The following CACNB2 variants were observed in gnomAD, a reference collection of about 807,000 sequenced individuals.
CACNB2 encodes the protein calcium voltage-gated channel auxiliary subunit beta 2.
CACNB2 carries 42 observed loss-of-function variants against 73.3 expected under a neutral mutation model. The ratio of observed to expected loss-of-function variants is 0.57; its 90% CI spans 0.45 to 0.74. CACNB2 has a LOEUF of 0.74. CACNB2 is among the 30% of genes least tolerant of loss of function. The pLI, the probability that CACNB2 is intolerant of heterozygous loss-of-function variation, is 0.00. For synonymous variants in CACNB2, 348 were observed against 310.3 expected, an observed-to-expected ratio of 1.12 and a Z score of -1.28; for missense variants, 940 against 853.0, an observed-to-expected ratio of 1.10 and a Z score of -1.27.
At chr10:18,264,082 C>G (rs1411386681) in intron 2 of CACNB2, among the ~76,000 whole-genome samples, 1 of 152,206 alleles carries the variant, frequency 6.6e-6, no homozygotes, top group East Asian at 1.9e-4. Flanking sequence ...ATGGTAAGCT[C>G]TGTGTGCATT....
rs10734060 is a variant in CACNB2, at chr10:18,501,213, G to T, written c.593+265G>T. ...ATAGAGTATTAAATTCAGGCTCCAGGGCAGAGGAAAATCTGAAACCTTAAT... is the reference window on the plus strand; with the variant it reads ...ATAGAGTATTAAATTCAGGCTCCAGTGCAGAGGAAAATCTGAAACCTTAAT... On this transcript the variant is annotated intron_variant, in intron 5 of 13. Coordinates refer to ENST00000324631, the MANE Select transcript of CACNB2 (RefSeq NM_201596.3). 1 allele frequency among the ~76,000 whole-genome samples: 151,760 copies of T among 152,346 alleles called. 75,605 individuals are homozygous for T. The highest frequency in any genetic ancestry group is 1 in the Middle Eastern group (294 of 294).
intron 3 of CACNB2, among the ~76,000 whole-genome samples, chr10:18,447,444 A>G (rs2046791127): frequency 1.3e-5 from 2 of 152,068 alleles, no homozygotes; most frequent in African/African-American, 4.8e-5. Context: ...CGAATGACAG[A>G]ATGTTGGGAA....
rs562212134 is a variant in CACNB2 at position 18,284,411 on chromosome 10, C to T, written c.214-117513C>T. Among the ~76,000 whole-genome samples, 235 of 152,248 alleles carry T rather than the reference C, an allele frequency of 1.5e-3. 1 individual carries two copies. Among genetic ancestry groups the T allele is most frequent in the African/African-American group, 5.3e-3 (220 of 41,544 alleles). ...ATGGGGACACAGCTAAATCATATCA[C>T]GTAGTTGATCTGTTTTCAATTTTTA... On this transcript the variant is annotated intron_variant, in intron 2 of 13. Transcript: ENST00000324631.
At chr10:18,292,872 C>A (rs2039123472) in intron 2 of CACNB2, among the ~76,000 whole-genome samples, 2 of 152,102 alleles carry the variant, frequency 1.3e-5, no homozygotes, top group Non-Finnish European at 2.9e-5. Context: ...TGTCTAAACA[C>A]CAAATTTTTT....
At chr10:18,498,926 C>A in intron 4 of CACNB2, 1 of 179,478 alleles carries the variant, frequency 5.6e-6, no homozygotes. Flanking sequence ...TCCTTAAATG[C>A]TAAATTTCTG....
chr10:18,321,734 T>A (rs1023982551), intron 2 of CACNB2, among the ~76,000 whole-genome samples: 4 of 152,170 alleles, frequency 2.6e-5, no homozygotes. Flanking sequence ...ATCACCTCAC[T>A]AGTGTGGATA....
At chr10:18,454,989 C>G (rs1343746500) in intron 3 of CACNB2, among the ~76,000 whole-genome samples, 1 of 150,344 alleles carries the variant, frequency 6.7e-6, no homozygotes, top group African/African-American at 2.4e-5. Flanking sequence ...CTGCAGTGAG[C>G]TATGACTGTG....
At chr10:18,325,651 TTC>T (rs895878322) in intron 2 of CACNB2, among the ~76,000 whole-genome samples, 6 of 134,116 alleles carry the variant, frequency 4.5e-5, no homozygotes, top group African/African-American at 8.4e-5. Flanking sequence ...CTTTCTTTCC[TTC>T]TCTCTCTCTC....
chr10:18,320,832 AT>A (rs1174975363), intron 2 of CACNB2, among the ~76,000 whole-genome samples: 4 of 152,142 alleles, frequency 2.6e-5, no homozygotes, highest in Admixed American at 1.3e-4. Flanking sequence ...CATTTGTCTG[AT>A]TTTTTTGCAC....
At chr10:18,316,634 T>C (rs1426324013) in intron 2 of CACNB2, among the ~76,000 whole-genome samples, 1 of 152,048 alleles carries the variant, frequency 6.6e-6, no homozygotes, top group African/African-American at 2.4e-5. Flanking sequence ...TGGTTAAATT[T>C]TGTATTCGTT....
chr10:18,195,242 AC>A (rs2131285448), intron 2 of CACNB2, among the ~76,000 whole-genome samples: 1 of 152,338 alleles, frequency 6.6e-6, no homozygotes, highest in African/African-American at 2.4e-5. Context: ...TTGAGGCTTT[AC>A]ATGCCACAGG....
rs372916856 is a variant in CACNB2 at position 18,288,676 on chromosome 10, T to TACACACAC, written c.214-113226_214-113219dup. Among the ~76,000 whole-genome samples the TACACACAC allele has an allele frequency of 7.6e-3, 1,101 of 144,410 alleles. 8 individuals are homozygous for TACACACAC. Among genetic ancestry groups the TACACACAC allele is most frequent in the African/African-American group, 0.018 (699 of 38,334 alleles). The allele number at this position is 144,410 out of a possible 152,430, so 94.7% of individuals were successfully genotyped here. On this transcript the variant is annotated intron_variant, in intron 2 of 13. Coordinates refer to ENST00000324631, the MANE Select transcript of CACNB2 (RefSeq NM_201596.3). Reference sequence around the variant, plus strand: ...AGCAAGATGCAGCAAATGAGATTTATACACACACACACACACACACACACA... The same window carrying TACACACAC: ...AGCAAGATGCAGCAAATGAGATTTATACACACACACACACACACACACACACACACACA...
At chr10:18,395,246 T>C (rs2043660596) in intron 2 of CACNB2, among the ~76,000 whole-genome samples, 1 of 152,220 alleles carries the variant, frequency 6.6e-6, no homozygotes, top group African/African-American at 2.4e-5. Context: ...CCTTTGCATA[T>C]GATGTTCTTT....
intron 2 of CACNB2, among the ~76,000 whole-genome samples, chr10:18,229,653 G>A (rs565992429): frequency 6.6e-6 from 1 of 152,062 alleles, no homozygotes; most frequent in Non-Finnish European, 1.5e-5. Context: ...TTCTTTAGTA[G>A]GTATCATATT....
intron 2 of CACNB2, among the ~76,000 whole-genome samples, chr10:18,338,738 C>CTTTTTTTTTT (rs553402190): frequency 9.8e-6 from 1 of 102,436 alleles, no homozygotes; most frequent in African/African-American, 3.9e-5. Flanking sequence ...TCCTTCTTTC[C>CTTTTTTTTTT]TTTTTTTTTT....
Position 18,539,396 on chromosome 10 carries a change from A to C in CACNB2, c.1655A>C (p.Gln552Pro), listed in dbSNP as rs2053924971. Residue 552 changes from glutamine to proline, a missense_variant, in exon 14 of 14, where the codon CAA (glutamine) becomes CCA (proline). By Grantham distance (76) the Gln-to-Pro change is moderately conservative (BLOSUM62 -1). Transcript: ENST00000324631. ...RSGTSRGLSR[Q>P]ETFDSETQES... Reference sequence around the variant, plus strand: ...GGGACAAGTCGCGGCCTCTCCAGGCAAGAGACATTTGACTCGGAAACCCAG... The same window carrying C: ...GGGACAAGTCGCGGCCTCTCCAGGCCAGAGACATTTGACTCGGAAACCCAG... The C allele has an allele frequency of 6.2e-7, 1 of 1,613,978 alleles. No homozygotes were observed. Among genetic ancestry groups the C allele is most frequent in the African/African-American group, 1.3e-5 (1 of 74,904 alleles).
chr10:18,156,827 G>A (rs1175342274), intron 2 of CACNB2, among the ~76,000 whole-genome samples: 2 of 151,058 alleles, frequency 1.3e-5, no homozygotes, highest in East Asian at 2.0e-4. Context: ...TCAGGAGATC[G>A]AGACCAGCCT....
chr10:18,489,921 A>C (rs573003772), intron 3 of CACNB2, among the ~76,000 whole-genome samples: 4 of 152,270 alleles, frequency 2.6e-5, no homozygotes, highest in African/African-American at 9.6e-5. Flanking sequence ...TCTGTTGCCC[A>C]GGCTGGAGTG....
chr10:18,220,255 A>AAT (rs1403390195), intron 2 of CACNB2, among the ~76,000 whole-genome samples: 1 of 122,620 alleles, frequency 8.2e-6, no homozygotes, highest in African/African-American at 3.4e-5. Context: ...AGAGAGAGAG[A>AAT]GAGAGAGAGA....
Sources: allele counts gnomAD v4.1 joint callset (sites outside exome capture counted in the v4.1 genomes callset), GRCh38; gene constraint gnomAD v4.1.1; transcripts MANE v1.5; gene names NCBI Gene and HGNC (gene_info 2026-07-23, HGNC 2026-07-21).